The following PRDM6 variants were observed in gnomAD, a reference collection of about 807,000 sequenced individuals.
PRDM6 encodes the protein putative histone-lysine N-methyltransferase PRDM6.
PRDM6 carries 25 observed loss-of-function variants against 60.8 expected under a neutral mutation model. That is an observed-to-expected ratio of 0.41 (90% confidence interval 0.30 to 0.57). The LOEUF (loss-of-function observed/expected upper bound fraction) is 0.57, where lower values mean the gene tolerates loss of function less well. Ranked by LOEUF, PRDM6 falls within the 20% of genes least tolerant of loss-of-function variation. PRDM6 has a pLI of 0.27. For missense variants in PRDM6, 839 were observed against 821.3 expected, an observed-to-expected ratio of 1.02 and a Z score of -0.26; for synonymous variants, 407 against 357.4, an observed-to-expected ratio of 1.14 and a Z score of -1.57.
At chr5:123,149,520 A>T (rs1765327773) in intron 3 of PRDM6, among the ~76,000 whole-genome samples, 1 of 152,168 alleles carries the variant, frequency 6.6e-6, no homozygotes, top group African/African-American at 2.4e-5. Flanking sequence ...TAATTAAAAC[A>T]TTTGTACTTG....
chr5:123,098,820 C>G (rs1411684904), intron 2 of PRDM6, among the ~76,000 whole-genome samples: 3 of 152,202 alleles, frequency 2.0e-5, no homozygotes, highest in Non-Finnish European at 4.4e-5. Context: ...GAACAGCACC[C>G]CGGTCCCCCA....
rs957547767 is a variant in PRDM6 at position 123,099,771 on chromosome 5, T to A, written c.710T>A (p.Leu237Gln). ...GCGGCCGCCGCGCCCCCGCCGGAGCTGCCGGAGTGGCTGCGGGACCTGCCT... is the reference window on the plus strand; with the variant it reads ...GCGGCCGCCGCGCCCCCGCCGGAGCAGCCGGAGTGGCTGCGGGACCTGCCT... ...SAAAAAPPPELPEWLRDLPRE... is the reference protein window; with the variant it reads ...SAAAAAPPPEQPEWLRDLPRE... The change falls in exon 3 of 8, where the codon CTG becomes CAG. Residue 237 changes from leucine to glutamine, a missense_variant. Around this residue, in one of 2 missense-constraint regions of PRDM6, gnomAD observed 730 missense variants for 648.8 expected, o/e 1.13. Coordinates refer to ENST00000407847, the MANE Select transcript of PRDM6 (RefSeq NM_001136239.4). The surrounding 1 kb of genome is among the most constrained non-coding windows in gnomAD (Gnocchi z 4.0). The A allele has an allele frequency of 6.5e-7, 1 of 1,547,522 alleles. No homozygotes were observed. The highest frequency in any genetic ancestry group is 1.4e-5 in the African/African-American group (1 of 72,908).
At chr5:123,179,847 C>T (rs557037613) in intron 6 of PRDM6, among the ~76,000 whole-genome samples, 2 of 152,146 alleles carry the variant, frequency 1.3e-5, no homozygotes, top group African/African-American at 4.8e-5. Flanking sequence ...TCCCTACTTA[C>T]AAAAGTACCC....
In PRDM6 at chr5:123,100,955, A is replaced by G. The variant is rs756616534; in HGVS notation, c.900+994A>G. On this transcript the variant is annotated intron_variant, in intron 3 of 7. Coordinates refer to ENST00000407847, the MANE Select transcript of PRDM6 (RefSeq NM_001136239.4). ...AAATCTGACTAACTGGGCAAGTGGTATAATAAAGTAGGAATAGCTAGAAAA... is the reference window on the plus strand; with the variant it reads ...AAATCTGACTAACTGGGCAAGTGGTGTAATAAAGTAGGAATAGCTAGAAAA... 1.1e-4 allele frequency among the ~76,000 whole-genome samples: 17 copies of G among 152,344 alleles called. 1 individual carries two copies. The highest frequency in any genetic ancestry group is 6.8e-3 in the Middle Eastern group (2 of 294).
chr5:123,183,471 G>C (rs752534945), intron 7 of PRDM6, among the ~76,000 whole-genome samples: 3 of 152,174 alleles, frequency 2.0e-5, no homozygotes, highest in Non-Finnish European at 2.9e-5. Flanking sequence ...TTCAATCCAG[G>C]CTTTGCCTCA....
chr5:123,132,707 T>C (rs987869330), intron 3 of PRDM6, among the ~76,000 whole-genome samples: 1 of 148,578 alleles, frequency 6.7e-6, no homozygotes, highest in Non-Finnish European at 1.5e-5. Context: ...TGCACACATA[T>C]GTGTATATGC....
chr5:123,095,395 G>C (rs1763933504), intron 2 of PRDM6, among the ~76,000 whole-genome samples: 1 of 152,374 alleles, frequency 6.6e-6, no homozygotes, highest in East Asian at 1.9e-4. Context: ...CGAGAAGGCA[G>C]TGGGGGGACC....
In PRDM6 at chr5:123,097,830, A is replaced by G. The variant is rs150619442; in HGVS notation, c.593-1824A>G. On this transcript the variant is annotated intron_variant, in intron 2 of 7. Coordinates refer to ENST00000407847, the MANE Select transcript of PRDM6 (RefSeq NM_001136239.4). ...GTGCAAGGGAGGCCCAGCGGCATGG[A>G]CACTTCTCTGCTTTCCGAAACAAGT... 4.7e-3 allele frequency among the ~76,000 whole-genome samples: 722 copies of G among 152,318 alleles called. 5 individuals carry two copies. Among genetic ancestry groups the G allele is most frequent in the African/African-American group, 0.017 (689 of 41,568 alleles).
chr5:123,177,910 C>A (rs897590218), intron 6 of PRDM6, among the ~76,000 whole-genome samples: 1 of 152,104 alleles, frequency 6.6e-6, no homozygotes, highest in African/African-American at 2.4e-5. Flanking sequence ...CCGTTCTAGC[C>A]CCTTCCATTC....
intron 2 of PRDM6, among the ~76,000 whole-genome samples, chr5:123,097,437 TTC>T (rs1236726196): frequency 6.6e-6 from 1 of 152,186 alleles, no homozygotes; most frequent in African/African-American, 2.4e-5. Context: ...TGTGAATCCT[TTC>T]TCTGCCACTT....
chr5:123,114,838 G>A (rs1764397681), intron 3 of PRDM6, among the ~76,000 whole-genome samples: 1 of 152,310 alleles, frequency 6.6e-6, no homozygotes, highest in East Asian at 1.9e-4. Context: ...AAGTGAAATA[G>A]ATTTTGAGTG....
At chr5:123,174,766 A>G (rs950332390) in intron 6 of PRDM6, among the ~76,000 whole-genome samples, 1 of 152,142 alleles carries the variant, frequency 6.6e-6, no homozygotes, top group African/African-American at 2.4e-5. Context: ...TGTTATTCAC[A>G]TTTAACACAG....
chr5:123,187,102 G>A lies in PRDM6; in HGVS notation c.1689G>A (p.Glu563=). The change falls in exon 8 of 8, where the codon GAG becomes GAA. Residue 563 remains glutamate, a synonymous_variant. Coordinates refer to ENST00000407847, the MANE Select transcript of PRDM6 (RefSeq NM_001136239.4). Reference sequence around the variant, plus strand: ...CCTCCACCAGGTGCGAGAGGTGTGAGAGGAGCTTCACGCAGGCCACCCAGC... The same window carrying A: ...CCTCCACCAGGTGCGAGAGGTGTGAAAGGAGCTTCACGCAGGCCACCCAGC... ...GEKPFKCERC[E]RSFTQATQLS... is the part of the protein sequence containing the mutation. 6.4e-7 allele frequency: 1 copy of A among 1,551,508 alleles called. No homozygotes were observed. Among genetic ancestry groups the A allele is most frequent in the African/African-American group, 1.4e-5 (1 of 73,178 alleles).
chr5:123,167,454 G>C (rs950543389), intron 5 of PRDM6, among the ~76,000 whole-genome samples: 5 of 151,824 alleles, frequency 3.3e-5, no homozygotes, highest in Admixed American at 2.0e-4. Flanking sequence ...CAATGGCACG[G>C]TCTCGGCTCA....
intron 5 of PRDM6, among the ~76,000 whole-genome samples, chr5:123,164,797 G>C (rs1396543472): frequency 6.6e-6 from 1 of 152,150 alleles, no homozygotes; most frequent in Non-Finnish European, 1.5e-5. Flanking sequence ...ACTGTTTGTG[G>C]GAGTGTAGGG....
intron 3 of PRDM6, among the ~76,000 whole-genome samples, chr5:123,116,041 A>G (rs1764435005): frequency 6.6e-6 from 1 of 152,212 alleles, no homozygotes. Context: ...TTTCATCACA[A>G]CTGGCTGACT....
chr5:123,163,591 G>C (rs979610857), intron 5 of PRDM6, among the ~76,000 whole-genome samples: 1 of 152,200 alleles, frequency 6.6e-6, no homozygotes, highest in Non-Finnish European at 1.5e-5. Context: ...GAGCTCCAAA[G>C]AGAGTGCCTT....
In PRDM6 at chr5:123,090,396, G is replaced by A; in HGVS notation, c.382G>A (p.Ala128Thr). 1 of 1,458,030 alleles carries A rather than the reference G, an allele frequency of 6.9e-7. No homozygotes were observed. The highest frequency in any genetic ancestry group is 2.5e-5 in the Admixed American group (1 of 40,098). 90.3% of individuals were successfully genotyped at this position (1,458,030 alleles called of 1,614,324 possible). A position where few individuals can be genotyped will look rare whatever the true frequency, so the allele number is the denominator to read the frequency against. The change falls in exon 2 of 8, where the codon GCC becomes ACC. Residue 128 changes from alanine to threonine, a missense_variant. Ala to Thr is a moderately conservative substitution (Grantham distance 58). Transcript: ENST00000407847. Reference protein sequence around the residue: ...VFAPLAAAAVAAEPLPPKELC... With the variant: ...VFAPLAAAAVTAEPLPPKELC... ...CGCGCCTCTAGCCGCCGCTGCCGTCGCCGCCGAGCCGCTGCCCCCCAAGGA... is the reference window on the plus strand; with the variant it reads ...CGCGCCTCTAGCCGCCGCTGCCGTCACCGCCGAGCCGCTGCCCCCCAAGGA...
In PRDM6 at chr5:123,096,098, T is replaced by G. The variant is rs145438826; in HGVS notation, c.593-3556T>G. Among the ~76,000 whole-genome samples the G allele has an allele frequency of 4.5e-3, 685 of 152,290 alleles. 2 individuals carry two copies. Among genetic ancestry groups the G allele is most frequent in the African/African-American group, 0.016 (655 of 41,562 alleles). On this transcript the variant is annotated intron_variant, in intron 2 of 7. Coordinates refer to ENST00000407847, the MANE Select transcript of PRDM6 (RefSeq NM_001136239.4). ...GCACCTTCCTTTACTCAGAGACGCT[T>G]AGACAGGAGCATTGACAGATTTACT...
Sources: gnomAD v4.1 joint callset for allele counts (sites outside exome capture counted in the v4.1 genomes callset) on GRCh38, gnomAD v4.1.1 for gene constraint, gnomAD v4.1.1 regional missense constraint, Gnocchi (gnomAD v3.1) non-coding constraint, MANE v1.5 for transcripts, NCBI Gene and HGNC (gene_info 2026-07-23, HGNC 2026-07-21) for gene names.